NEK4: variants seen among roughly 807,000 people sequenced by gnomAD.
The protein encoded by NEK4 is NIMA related kinase 4.
A neutral mutation model predicts 98.4 loss-of-function variants in NEK4; 86 were observed. That is an observed-to-expected ratio of 0.87 (90% CI 0.73 to 1.05). NEK4 has a LOEUF of 1.05. NEK4 is among the 50% of genes least tolerant of loss of function. The probability of loss-of-function intolerance (pLI) is 0.00; values close to 1 mark genes in which losing one functional copy is unlikely to be tolerated. For synonymous variants in NEK4, 328 were observed against 342.2 expected (o/e 0.96, Z 0.46); for missense variants, 898 against 950.3 (o/e 0.94, Z 0.72).
intron 15 of NEK4, among the ~76,000 whole-genome samples, chr3:52,729,568 C>T (rs139136211): frequency 6.6e-6 from 1 of 151,764 alleles, no homozygotes; most frequent in Non-Finnish European, 1.5e-5. Context: ...ATTAGCCAGG[C>T]ATGATGGCAG....
Position 52,743,428 on chromosome 3 carries a change from G to T in NEK4, c.1928C>A (p.Ala643Glu), listed in dbSNP as rs1310807592. The T allele has an allele frequency of 6.2e-7, 1 of 1,613,990 alleles. No individual in the cohort carries two copies. Among genetic ancestry groups the T allele is most frequent in the Non-Finnish European group, 8.5e-7 (1 of 1,180,006 alleles). The change falls in exon 12 of 16, where the codon GCA becomes GAA. Residue 643 changes from alanine (A) to glutamate (E), a missense_variant. Transcript: ENST00000233027. The part of the protein sequence containing the change: ...PSVRKASLSV[A>E]GPGKPQEEDQ... Reference sequence around the variant, plus strand: ...TTCTTCCTGGGGTTTTCCTGGCCCTGCTACACTCAGAGACGCTTTCCTCAC... The same window carrying T: ...TTCTTCCTGGGGTTTTCCTGGCCCTTCTACACTCAGAGACGCTTTCCTCAC...
chr3:52,766,392 G>C lies in NEK4; in HGVS notation c.361-17C>G, dbSNP rs1206920200. On this transcript the variant is annotated splice_polypyrimidine_tract_variant and intron_variant, in intron 2 of 15. Transcript: ENST00000233027. ...ATGTAAATACTGAGGAAAGAAACAA[G>C]ATTTTATTACATATAAATAGACTTA... 6.4e-7 allele frequency: 1 copy of C among 1,562,452 alleles called. No homozygotes were observed. The highest frequency in any genetic ancestry group is 1.7e-5 in the Admixed American group (1 of 59,860).
intron 6 of NEK4, among the ~76,000 whole-genome samples, chr3:52,756,260 G>C (rs1180427641): frequency 6.6e-6 from 1 of 152,114 alleles, no homozygotes; most frequent in Non-Finnish European, 1.5e-5. Flanking sequence ...CTAAAATTCA[G>C]TGGAATCTCA....
At chr3:52,739,677 G>A (rs761738011) in intron 13 of NEK4, 43 bp from the exon 14 acceptor site, 2 of 1,533,094 alleles carry the variant, frequency 1.3e-6, no homozygotes, top group Non-Finnish European at 1.8e-6. Context: ...TTGGCTTCAT[G>A]AGAATTTTTC....
At chr3:52,758,694 AC>A (rs1318970089) in intron 6 of NEK4, among the ~76,000 whole-genome samples, 2 of 152,206 alleles carry the variant, frequency 1.3e-5, no homozygotes, top group African/African-American at 4.8e-5. Flanking sequence ...AGAAAAGACA[AC>A]CTATACAATG....
In NEK4 at chr3:52,711,832, GT is replaced by G; in HGVS notation, c.2470del (p.Thr824LeufsTer4). ...CAACTGGCGAGCTTTCACACTGTAA[GT>G]TGTATACTTTTCACCCATGTGCTCC... is the stretch of plus-strand genomic sequence containing the variant. ...LREHMGEKYT[T>X]YSVKARQLKF... On this transcript the variant is annotated frameshift_variant, in exon 16 of 16. Transcript: ENST00000233027. LOFTEE classifies it high-confidence loss of function. The G allele has an allele frequency of 7.5e-6, 12 of 1,610,222 alleles. No homozygotes were observed. Among genetic ancestry groups the G allele is most frequent in the Non-Finnish European group, 9.3e-6 (11 of 1,177,908 alleles).
In NEK4 at chr3:52,769,816, A is replaced by G. The variant is rs562761147; in HGVS notation, c.93+838T>C. Among the ~76,000 whole-genome samples, 3 of 152,316 alleles carry G rather than the reference A, an allele frequency of 2.0e-5. No homozygotes were observed. In the South Asian group the frequency reaches 6.2e-4, roughly 32 times the overall value. Reference sequence around the variant, plus strand: ...ACCCTATTAATAAACCACATTGAATAATTGGTTCATTATCCTGAGAGTAAT... The same window carrying G: ...ACCCTATTAATAAACCACATTGAATGATTGGTTCATTATCCTGAGAGTAAT... On this transcript the variant is annotated intron_variant, in intron 1 of 15. Transcript: ENST00000233027.
chr3:52,768,205 T>C, intron 2 of NEK4, 133 bp downstream of exon 2: 1 of 753,304 alleles, frequency 1.3e-6, no homozygotes. Context: ...AGTGACTGGG[T>C]CAACTTCACA....
At chr3:52,716,178 T>TG (rs1316611494) in intron 15 of NEK4, among the ~76,000 whole-genome samples, 3 of 152,184 alleles carry the variant, frequency 2.0e-5, no homozygotes, top group Non-Finnish European at 4.4e-5. Context: ...TTGGCAGGCA[T>TG]GGGATACAGG....
chr3:52,765,840 G>A (rs778283016), intron 4 of NEK4, 47 bp downstream of exon 4: 2 of 1,131,278 alleles, frequency 1.8e-6, no homozygotes, highest in Admixed American at 3.6e-5. Context: ...TATTTATAAA[G>A]CTGCACTATA....
intron 6 of NEK4, among the ~76,000 whole-genome samples, chr3:52,756,626 T>C (rs775768365): frequency 2.6e-5 from 4 of 152,070 alleles, no homozygotes; most frequent in Non-Finnish European, 5.9e-5. Context: ...AAAACCTAAA[T>C]GTAAGACCTA....
At chr3:52,745,956 C>T in intron 10 of NEK4, 105 bp downstream of exon 10, 1 of 1,016,250 alleles carries the variant, frequency 9.8e-7, no homozygotes, top group South Asian at 1.5e-5. Context: ...CTCTTGGACT[C>T]AATTGATCCT....
At chr3:52,725,697 C>A (rs973120938) in intron 15 of NEK4, among the ~76,000 whole-genome samples, 3 of 151,874 alleles carry the variant, frequency 2.0e-5, no homozygotes, top group African/African-American at 7.2e-5. Flanking sequence ...ATATAATCTC[C>A]ATGGTAACCA....
Position 52,766,207 on chromosome 3 carries a change from A to C in NEK4, c.529T>G (p.Leu177Val). 2 of 1,614,182 alleles carry C rather than the reference A, an allele frequency of 1.2e-6. No individual in the cohort carries two copies. The highest frequency in any genetic ancestry group is 2.2e-5 in the South Asian group (2 of 91,078). ...TAGTTGTAGGGTTTGTTTGAGAACA[A>C]TTCAGGGCTCATGTAGTAGGGTGTG... The part of the protein sequence containing the change: ...IGTPYYMSPE[L>V]FSNKPYNYKS... Residue 177 changes from leucine (L) to valine (V), a missense_variant, in exon 3 of 16, where the codon TTG becomes GTG. By Grantham distance (32) the Leu-to-Val change is conservative. Coordinates refer to ENST00000233027, the MANE Select transcript of NEK4 (RefSeq NM_003157.6).
At chr3:52,738,667 T>C (rs1247173153) in intron 14 of NEK4, among the ~76,000 whole-genome samples, 1 of 152,034 alleles carries the variant, frequency 6.6e-6, no homozygotes, top group Non-Finnish European at 1.5e-5. Context: ...CCCAGGCTGG[T>C]CTCAAACTCT....
intron 4 of NEK4, among the ~76,000 whole-genome samples, chr3:52,764,457 C>G (rs1698475357): frequency 6.6e-6 from 1 of 150,756 alleles, no homozygotes; most frequent in Non-Finnish European, 1.5e-5. Flanking sequence ...CAGTGAAACC[C>G]CATCTCTACT....
intron 1 of NEK4, among the ~76,000 whole-genome samples, chr3:52,770,309 C>T (rs976255404): frequency 1.3e-5 from 2 of 151,734 alleles, no homozygotes; most frequent in African/African-American, 4.8e-5. Context: ...TACCGGCTCT[C>T]ATGAGAGTAT....
chr3:52,766,098 T>C, intron 3 of NEK4, 80 bp downstream of exon 3: 1 of 1,458,268 alleles, frequency 6.9e-7, no homozygotes, highest in Admixed American at 1.9e-5. Flanking sequence ...TCATAGATAA[T>C]TCTCTGACTT....
Position 52,741,495 on chromosome 3 carries a change from CTTTCCTATTAAAT to C in NEK4, c.2005-9_2008del. ...CTCAGACAGACAATGAATCTGTTTC[CTTTCCTATTAAAT>C]GTTTGGAAGAATTAAAATTCTACAT... is the stretch of plus-strand genomic sequence containing the variant. On this transcript the variant is annotated splice_acceptor_variant and splice_polypyrimidine_tract_variant and coding_sequence_variant and intron_variant, in exon 13 of 16. Transcript: ENST00000233027. LOFTEE classifies it high-confidence loss of function. 1 of 1,592,004 alleles carries C rather than the reference CTTTCCTATTAAAT, an allele frequency of 6.3e-7. No homozygotes were observed. Among genetic ancestry groups the C allele is most frequent in the Non-Finnish European group, 8.6e-7 (1 of 1,160,408 alleles).
Sources: allele counts gnomAD v4.1 joint callset (sites outside exome capture counted in the v4.1 genomes callset), GRCh38; gene constraint gnomAD v4.1.1; transcripts MANE v1.5; gene names NCBI Gene and HGNC (gene_info 2026-07-23, HGNC 2026-07-21).